NECAB2: variants seen among roughly 807,000 people sequenced by gnomAD.
NECAB2 encodes the protein N-terminal EF-hand calcium binding protein 2, also known as N-terminal EF-hand calcium-binding protein 2.
Under a neutral mutation model 51.9 loss-of-function variants are expected in NECAB2, and 68 were observed. The observed-to-expected ratio is 1.31, with a 90% CI of 1.08 to 1.60. NECAB2 has a LOEUF of 1.60. Among genes scored for constraint, NECAB2 ranks in the 40% most tolerant of loss-of-function variants. The pLI is 0.00. For synonymous variants in NECAB2, 329 were observed against 203.5 expected, an observed-to-expected ratio of 1.62 and a Z score of -5.25; for missense variants, 854 against 490.3, an observed-to-expected ratio of 1.74 and a Z score of -7.00.
chr16:83,977,304 G>T (rs569343075), intron 2 of NECAB2, among the ~76,000 whole-genome samples: 15 of 152,232 alleles, frequency 9.9e-5, no homozygotes, highest in East Asian at 1.9e-4. Flanking sequence ...CCTTGAGGAG[G>T]GGGGAGGTGG....
chr16:83,991,284 A>G (rs556391126), intron 6 of NECAB2, among the ~76,000 whole-genome samples: 3 of 146,160 alleles, frequency 2.1e-5, no homozygotes, highest in Non-Finnish European at 3.0e-5. Context: ...CAGCTAGCCT[A>G]TTTTCTCTTT....
intron 5 of NECAB2, among the ~76,000 whole-genome samples, chr16:83,987,955 A>G (rs1017701783): frequency 6.6e-6 from 1 of 152,230 alleles, no homozygotes; most frequent in Non-Finnish European, 1.5e-5. Flanking sequence ...CGTCTTTGTT[A>G]TAACTTTATG....
Position 84,002,616 on chromosome 16 carries a change from C to T in NECAB2, c.*270C>T, listed in dbSNP as rs2084860985. 1 of 569,766 alleles carries T rather than the reference C, an allele frequency of 1.8e-6. No homozygotes were observed. The highest frequency in any genetic ancestry group is 3.1e-6 in the Non-Finnish European group (1 of 318,994). The allele number at this position is 569,766 out of a possible 1,614,324, so 35.3% of individuals were successfully genotyped here. ...CACCCCTGCCTCCTGGTCCTGGCCT[C>T]TCCCCTACCCCTCACATGGCCACGC... On this transcript the variant is annotated 3_prime_UTR_variant, in exon 13 of 13. Transcript: ENST00000305202.
At chr16:83,978,369 G>A in intron 2 of NECAB2, 75 bp from the exon 3 acceptor site, 1 of 1,182,722 alleles carries the variant, frequency 8.5e-7, no homozygotes, top group Non-Finnish European at 1.2e-6. Context: ...CTGGATTTGG[G>A]GGCCGTGCAT....
intron 2 of NECAB2, among the ~76,000 whole-genome samples, chr16:83,977,599 G>A (rs2151087453): frequency 6.6e-6 from 1 of 152,174 alleles, no homozygotes; most frequent in African/African-American, 2.4e-5. Context: ...GAGGAGCTGT[G>A]GAGGCCCCTC....
intron 10 of NECAB2, among the ~76,000 whole-genome samples, chr16:84,000,240 G>A (rs1281924360): frequency 6.6e-6 from 1 of 152,158 alleles, no homozygotes; most frequent in Admixed American, 6.5e-5. Context: ...ACTTTAACAT[G>A]ACATTTCAGC....
intron 10 of NECAB2, 91 bp from the exon 11 acceptor site, chr16:84,000,633 A>G (rs1354484324): frequency 6.2e-6 from 6 of 974,858 alleles, no homozygotes; most frequent in Non-Finnish European, 9.7e-6. Flanking sequence ...CGTTGTGTAT[A>G]GTGGTGGGTC....
intron 5 of NECAB2, among the ~76,000 whole-genome samples, chr16:83,982,909 T>G (rs186149504): frequency 6.6e-6 from 1 of 151,976 alleles, no homozygotes; most frequent in Non-Finnish European, 1.5e-5. Flanking sequence ...CTCACTCTTG[T>G]CCAGGCTGGA....
At chr16:83,989,309 C>A (rs1178378123) in intron 5 of NECAB2, among the ~76,000 whole-genome samples, 1 of 152,224 alleles carries the variant, frequency 6.6e-6, no homozygotes, top group African/African-American at 2.4e-5. Context: ...CCCCAGCAGA[C>A]CCTGGTCTGG....
rs777106475 is a variant in NECAB2, at chr16:83,994,320, C to G, written c.615C>G (p.Pro205=). The G allele has an allele frequency of 9.9e-6, 16 of 1,614,114 alleles. No individual in the cohort carries two copies. The highest frequency in any genetic ancestry group is 4.0e-5 in the African/African-American group (3 of 74,942). Residue 205 remains proline, a synonymous_variant, in exon 7 of 13, where the codon CCC becomes CCG. Transcript: ENST00000305202. The part of the protein sequence containing the change: ...TSQLRQNHIK[P]SHSAAQTWCG... ...ACTGCAGACAGAACCACATCAAACC[C>G]AGCCACAGCGCGGCACAGACCTGGT...
chr16:83,999,348 G>C (rs1377691294), intron 10 of NECAB2, among the ~76,000 whole-genome samples: 1 of 152,176 alleles, frequency 6.6e-6, no homozygotes, highest in Admixed American at 6.5e-5. Flanking sequence ...TCCATTACGT[G>C]AATAAGTGGG....
chr16:83,990,004 C>T (rs544339285), intron 5 of NECAB2, among the ~76,000 whole-genome samples: 2 of 152,270 alleles, frequency 1.3e-5, no homozygotes, highest in South Asian at 4.1e-4. Context: ...TAGGAATCCT[C>T]CTTGCAGGAG....
intron 5 of NECAB2, among the ~76,000 whole-genome samples, chr16:83,987,003 A>C (rs781235071): frequency 4.6e-5 from 7 of 152,196 alleles, no homozygotes; most frequent in Non-Finnish European, 8.8e-5. Context: ...TGTAACAAAC[A>C]GGCATAAGTA....
upstream of NECAB2, chr16:83,965,201 A>G (rs1467711030): frequency 1.9e-6 from 3 of 1,613,184 alleles, no homozygotes; most frequent in Admixed American, 3.3e-5. Flanking sequence ...CGATCCCAGC[A>G]GCTGTGGGGC....
chr16:83,994,444 T>G, intron 7 of NECAB2, 24 bp downstream of exon 7: 4 of 1,612,052 alleles, frequency 2.5e-6, no homozygotes, highest in Non-Finnish European at 3.4e-6. Context: ...GGGGCCCTGG[T>G]GGGGGTACCA....
At chr16:83,998,683 CAG>C (rs1423702263) in intron 10 of NECAB2, among the ~76,000 whole-genome samples, 3 of 152,224 alleles carry the variant, frequency 2.0e-5, no homozygotes, top group Non-Finnish European at 4.4e-5. Context: ...GCTGCTGTCA[CAG>C]GGGTTCCTGC....
rs2084844677 is a variant in NECAB2 at position 84,001,900 on chromosome 16, C to CAGGATCTTGGTGCCAGGT, written c.1120_1132+5dup. On this transcript the variant is annotated inframe_insertion, in exon 12 of 13. Coordinates refer to ENST00000305202, the MANE Select transcript of NECAB2 (RefSeq NM_019065.3). ...CACTGAGCCAGCCTGAGGCCCTCTC[C>CAGGATCTTGGTGCCAGGT]AGGATCTTGGTGCCAGGTAGGGGGC... 6.2e-7 allele frequency: 1 copy of CAGGATCTTGGTGCCAGGT among 1,613,914 alleles called. No homozygotes were observed. Among genetic ancestry groups the CAGGATCTTGGTGCCAGGT allele is most frequent in the African/African-American group, 1.3e-5 (1 of 74,938 alleles).
chr16:83,965,483 G>A (rs373589900), upstream of NECAB2: 100 of 1,603,812 alleles, frequency 6.2e-5, no homozygotes, highest in Admixed American at 8.4e-5. Context: ...GGTCCTCTAC[G>A]CCCGCCACTA....
intron 1 of NECAB2, among the ~76,000 whole-genome samples, chr16:83,971,093 C>CAA (rs58733062): frequency 8.3e-4 from 113 of 135,908 alleles, no homozygotes; most frequent in African/African-American, 2.8e-3. Context: ...GACCCCATCT[C>CAA]AAAAAAAAAA....
Sources: allele counts gnomAD v4.1 joint callset (sites outside exome capture counted in the v4.1 genomes callset), GRCh38; gene constraint gnomAD v4.1.1; transcripts MANE v1.5; gene names NCBI Gene and HGNC (gene_info 2026-07-23, HGNC 2026-07-21).